ZNF91: variants seen among roughly 807,000 people sequenced by gnomAD.
The protein encoded by ZNF91 is zinc finger protein 91.
ZNF91 carries 7 observed loss-of-function variants against 12.6 expected under a neutral mutation model. The ratio of observed to expected loss-of-function variants is 0.55; its 90% CI spans 0.31 to 1.04. The LOEUF (loss-of-function observed/expected upper bound fraction) is 1.04. Ranked by LOEUF, ZNF91 falls within the 50% of genes least tolerant of loss-of-function variation. The pLI, the probability that ZNF91 is intolerant of heterozygous loss-of-function variation, is 0.05. For synonymous variants in ZNF91, 453 were observed against 462.6 expected, an observed-to-expected ratio of 0.98 and a Z score of 0.27; for missense variants, 1,217 against 1,385.4, an observed-to-expected ratio of 0.88 and a Z score of 1.93.
intron 1 of ZNF91, among the ~76,000 whole-genome samples, chr19:23,375,938 A>G (rs1235829752): frequency 6.6e-6 from 1 of 152,206 alleles, no homozygotes; most frequent in Non-Finnish European, 1.5e-5. Flanking sequence ...TCTCAATTTA[A>G]CCATAAGAAA....
chr19:23,345,179 TC>T (rs2145013904), intron 3 of ZNF91, among the ~76,000 whole-genome samples: 1 of 152,310 alleles, frequency 6.6e-6, no homozygotes, highest in South Asian at 2.1e-4. Flanking sequence ...TGACAATCGC[TC>T]CTTTTATCAT....
chr19:23,353,280 A>C (rs1968410838), downstream of ZNF91, among the ~76,000 whole-genome samples: 1 of 152,234 alleles, frequency 6.6e-6, no homozygotes, highest in Admixed American at 6.5e-5. Flanking sequence ...CAGTGGAATA[A>C]AACTGGAAAT....
intron 1 of ZNF91, chr19:23,328,840 G>C (rs1967881105): frequency 6.6e-6 from 1 of 152,230 alleles, no homozygotes; most frequent in African/African-American, 2.4e-5. Context: ...ATAACTTCCT[G>C]ATCTTGGATT....
intron 1 of ZNF91, among the ~76,000 whole-genome samples, chr19:23,376,871 C>T (rs1969522303): frequency 6.6e-6 from 1 of 152,140 alleles, no homozygotes; most frequent in African/African-American, 2.4e-5. Context: ...CTCCTCCTCT[C>T]AAATTCTTTC....
intron 3 of ZNF91, chr19:23,342,160 G>T: frequency 4.2e-6 from 2 of 471,032 alleles, no homozygotes; most frequent in South Asian, 4.0e-5. Context: ...CTTCATTCAT[G>T]CTTACCTACC....
At chr19:23,322,536 T>G (rs1387562540) in intron 1 of ZNF91, among the ~76,000 whole-genome samples, 2 of 152,170 alleles carry the variant, frequency 1.3e-5, no homozygotes, top group Non-Finnish European at 2.9e-5. Context: ...GAAATTGAGC[T>G]CTGAAATAAT....
At chr19:23,369,800 A>C (rs1432843447) in intron 3 of ZNF91, among the ~76,000 whole-genome samples, 2 of 151,280 alleles carry the variant, frequency 1.3e-5, no homozygotes, top group Admixed American at 1.3e-4. Context: ...CAGATGCTTG[A>C]AGGCAGCATG....
At chr19:23,341,194 G>T (rs1423294033) in intron 3 of ZNF91, among the ~76,000 whole-genome samples, 1 of 152,088 alleles carries the variant, frequency 6.6e-6, no homozygotes, top group Non-Finnish European at 1.5e-5. Flanking sequence ...GGGGCTGCAG[G>T]CAAGTGCCAC....
chr19:23,343,757 T>C (rs1353636858), intron 3 of ZNF91, among the ~76,000 whole-genome samples: 2 of 152,166 alleles, frequency 1.3e-5, no homozygotes, highest in Non-Finnish European at 2.9e-5. Flanking sequence ...AATAAAGCCA[T>C]ATCAAAACTG....
chr19:23,306,061 A>G (rs540219352), intron 3 of ZNF91, among the ~76,000 whole-genome samples: 1 of 152,348 alleles, frequency 6.6e-6, no homozygotes, highest in Admixed American at 6.5e-5. Context: ...TACTCATATA[A>G]TCTTGTATAT....
chr19:23,392,760 T>C (rs1192011979), intron 1 of ZNF91, among the ~76,000 whole-genome samples: 2 of 151,668 alleles, frequency 1.3e-5, no homozygotes, highest in Admixed American at 6.6e-5. Flanking sequence ...GATCACACCA[T>C]TGCATACCAG....
chr19:23,395,071 G>A (rs1327694317), intron 1 of ZNF91, among the ~76,000 whole-genome samples: 1 of 152,196 alleles, frequency 6.6e-6, no homozygotes, highest in Non-Finnish European at 1.5e-5. Context: ...CGCTGCGGGA[G>A]CAGAGCTGCC....
At chr19:23,384,608 T>C in intron 1 of ZNF91, 1 of 902,706 alleles carries the variant, frequency 1.1e-6, no homozygotes, top group Non-Finnish European at 1.5e-6. Flanking sequence ...ACATTCTGTC[T>C]CCCGATATCA....
intron 1 of ZNF91, among the ~76,000 whole-genome samples, chr19:23,392,377 C>G (rs1339696629): frequency 2.1e-5 from 2 of 94,832 alleles, no homozygotes; most frequent in Non-Finnish European, 2.0e-5. Flanking sequence ...GCCTGGGTGA[C>G]AAGAGTGAAA....
chr19:23,312,199 C>T (rs421458), upstream of ZNF91, among the ~76,000 whole-genome samples: 15,745 of 152,076 alleles, frequency 0.1, 1,248 homozygotes, highest in East Asian at 0.37. Context: ...CCCTCAGAGA[C>T]GGTTGCAAAT....
downstream of ZNF91, among the ~76,000 whole-genome samples, chr19:23,333,984 TC>T (rs1967964865): frequency 6.6e-6 from 1 of 152,176 alleles, no homozygotes; most frequent in South Asian, 2.1e-4. Context: ...ATAATATGGT[TC>T]TAGTTCTAAA....
chr19:23,334,701 A>T (rs1202448328), downstream of ZNF91, among the ~76,000 whole-genome samples: 8 of 152,206 alleles, frequency 5.3e-5, no homozygotes, highest in Admixed American at 1.3e-4. Context: ...TTTTCTCTCA[A>T]AAACATTGAA....
intron 3 of ZNF91, among the ~76,000 whole-genome samples, chr19:23,306,652 G>A (rs1264478782): frequency 6.6e-6 from 1 of 152,192 alleles, no homozygotes; most frequent in African/African-American, 2.4e-5. Flanking sequence ...CCCTGGCCCT[G>A]CCTACAGAGA....
chr19:23,336,874 G>T (rs772890953), downstream of ZNF91, among the ~76,000 whole-genome samples: 3 of 152,042 alleles, frequency 2.0e-5, no homozygotes, highest in African/African-American at 7.2e-5. Context: ...GGTTCATGCC[G>T]TTCTCCTGCT....
Sources: gnomAD v4.1 joint callset for allele counts (sites outside exome capture counted in the v4.1 genomes callset) on GRCh38, gnomAD v4.1.1 for gene constraint, MANE v1.5 for transcripts, NCBI Gene and HGNC (gene_info 2026-07-23, HGNC 2026-07-21) for gene names.